Variants in KPNA1 observed in about 807,000 individuals in gnomAD.
KPNA1 encodes the protein karyopherin subunit alpha 1, also known as importin subunit alpha-5.
Under a neutral mutation model 70.5 loss-of-function variants are expected in KPNA1, and 10 were observed. The observed-to-expected ratio is 0.14, with a 90% CI of 0.09 to 0.24. The LOEUF is 0.24. Among genes scored for constraint, KPNA1 ranks in the 10% least tolerant of loss-of-function variants. The probability of loss-of-function intolerance (pLI) is 1.00; values close to 1 mark genes in which losing one functional copy is unlikely to be tolerated. For synonymous variants in KPNA1, 192 were observed against 221.9 expected, an observed-to-expected ratio of 0.87 and a Z score of 1.20; for missense variants, 397 against 637.9, an observed-to-expected ratio of 0.62 and a Z score of 4.07.
chr3:122,482,850 C>A (rs2107482183), intron 2 of KPNA1: 1 of 152,270 alleles, frequency 6.6e-6, no homozygotes, highest in East Asian at 1.9e-4. Flanking sequence ...TGACCTAACC[C>A]CCGCAGCAGG....
intron 10 of KPNA1, among the ~76,000 whole-genome samples, chr3:122,441,268 A>C (rs2076058615): frequency 6.6e-6 from 1 of 152,244 alleles, no homozygotes; most frequent in South Asian, 2.1e-4. Context: ...ATATGGCTAG[A>C]ACAATGCACT....
intron 11 of KPNA1, among the ~76,000 whole-genome samples, chr3:122,435,073 G>C (rs937695300): frequency 2.6e-5 from 4 of 152,128 alleles, no homozygotes; most frequent in African/African-American, 9.7e-5. Context: ...AGGTGCTCTT[G>C]AGCAAATCAT....
chr3:122,428,539 AAG>A (rs2107713609), intron 12 of KPNA1, among the ~76,000 whole-genome samples: 1 of 152,342 alleles, frequency 6.6e-6, no homozygotes, highest in South Asian at 2.1e-4. Flanking sequence ...AATATCATGA[AAG>A]AGAATCATCA....
chr3:122,433,648 G>A lies in KPNA1; in HGVS notation c.1250+13C>T, dbSNP rs759889103. 6.3e-7 allele frequency: 1 copy of A among 1,581,414 alleles called. No individual in the cohort carries two copies. The highest frequency in any genetic ancestry group is 1.2e-5 in the South Asian group (1 of 85,488). On this transcript the variant is annotated intron_variant, in intron 12 of 13. Coordinates refer to ENST00000344337, the MANE Select transcript of KPNA1 (RefSeq NM_002264.4). ...TTCTTTAACTTACAATATGCTGCCTGATTGGTACTTACTTGATCTGTTCAG... is the reference window on the plus strand; with the variant it reads ...TTCTTTAACTTACAATATGCTGCCTAATTGGTACTTACTTGATCTGTTCAG...
chr3:122,476,475 GA>G (rs1262065420), intron 2 of KPNA1, among the ~76,000 whole-genome samples: 1 of 152,070 alleles, frequency 6.6e-6, no homozygotes, highest in Non-Finnish European at 1.5e-5. Context: ...AAAGAGTGAA[GA>G]GATAATTTAT....
At chr3:122,489,153 G>A (rs763700274) in intron 2 of KPNA1, among the ~76,000 whole-genome samples, 4 of 151,780 alleles carry the variant, frequency 2.6e-5, no homozygotes, top group African/African-American at 4.8e-5. Context: ...CCTATGCCCA[G>A]AGTTCACTAA....
intron 4 of KPNA1, among the ~76,000 whole-genome samples, chr3:122,463,476 G>A (rs565626642): frequency 1.1e-3 from 172 of 149,732 alleles, no homozygotes; most frequent in African/African-American, 4.1e-3. Context: ...AGCCAAGATC[G>A]CGCCCAGCCT....
chr3:122,514,604 C>A (rs1262482602), intron 1 of KPNA1, 153 bp downstream of exon 1: 2 of 152,010 alleles, frequency 1.3e-5, no homozygotes, highest in East Asian at 3.9e-4. Context: ...CCGTGACGCA[C>A]GGACGCGGCG....
At chr3:122,512,072 C>G (rs939050694) in intron 1 of KPNA1, among the ~76,000 whole-genome samples, 2 of 151,882 alleles carry the variant, frequency 1.3e-5, no homozygotes, top group Non-Finnish European at 2.9e-5. Context: ...TTCCAGGTTA[C>G]GTATAAAATA....
intron 9 of KPNA1, among the ~76,000 whole-genome samples, chr3:122,446,138 C>T (rs2107731866): frequency 6.6e-6 from 1 of 152,270 alleles, no homozygotes; most frequent in Admixed American, 6.5e-5. Flanking sequence ...ACAAGGATAT[C>T]CAGGACTTGA....
At chr3:122,447,512 G>A (rs1395075753) in intron 9 of KPNA1, among the ~76,000 whole-genome samples, 1 of 152,104 alleles carries the variant, frequency 6.6e-6, no homozygotes, top group Non-Finnish European at 1.5e-5. Flanking sequence ...AGGTATTGAT[G>A]GACCATATCT....
chr3:122,435,140 A>G (rs897013441), intron 11 of KPNA1, among the ~76,000 whole-genome samples: 2 of 152,218 alleles, frequency 1.3e-5, no homozygotes, highest in Non-Finnish European at 2.9e-5. Flanking sequence ...ACAAATAATA[A>G]TTGTATATAT....
chr3:122,495,261 C>CAAAAAAAAAAAAAAAA, intron 2 of KPNA1, among the ~76,000 whole-genome samples: 1 of 57,830 alleles, frequency 1.7e-5, no homozygotes. Context: ...CTCAAACAAA[C>CAAAAAAAAAAAAAAAA]CAAAAAAAAA....
chr3:122,487,265 G>A (rs948484811), intron 2 of KPNA1, among the ~76,000 whole-genome samples: 2 of 152,170 alleles, frequency 1.3e-5, no homozygotes, highest in Non-Finnish European at 2.9e-5. Context: ...CATATGAAAA[G>A]ATGCTCAACA....
intron 1 of KPNA1, among the ~76,000 whole-genome samples, chr3:122,509,124 T>C (rs1200874694): frequency 1.3e-5 from 2 of 151,610 alleles, no homozygotes; most frequent in African/African-American, 4.8e-5. Context: ...CGGGCCCCTG[T>C]AAACCCAGCT....
intron 1 of KPNA1, among the ~76,000 whole-genome samples, chr3:122,509,847 G>A (rs536852392): frequency 1.3e-5 from 2 of 152,024 alleles, no homozygotes; most frequent in South Asian, 2.1e-4. Flanking sequence ...AAAAACTTTC[G>A]AGAACTAAAG....
intron 4 of KPNA1, among the ~76,000 whole-genome samples, chr3:122,463,516 T>TAAAAAAAA (rs532512930): frequency 7.3e-6 from 1 of 137,248 alleles, no homozygotes; most frequent in East Asian, 2.1e-4. Context: ...GAGCCGTCTT[T>TAAAAAAAA]AAAAAAAAAA....
At chr3:122,460,650 A>AG (rs199736294) in intron 5 of KPNA1, 82,832 of 679,546 alleles carry the variant, frequency 0.12, 4,975 homozygotes, top group East Asian at 0.3. Flanking sequence ...AAAAAGAAGA[A>AG]AAAAAAAAAA....
chr3:122,459,988 C>G (rs2076305265), intron 5 of KPNA1: 1 of 985,418 alleles, frequency 1.0e-6, no homozygotes, highest in Non-Finnish European at 1.2e-6. Flanking sequence ...TGGCTCCAGC[C>G]TTAGAGTAAA....
Sources: gnomAD v4.1 joint callset for allele counts (sites outside exome capture counted in the v4.1 genomes callset) on GRCh38, gnomAD v4.1.1 for gene constraint, MANE v1.5 for transcripts, NCBI Gene and HGNC (gene_info 2026-07-23, HGNC 2026-07-21) for gene names.